Variants in ADGRG4 observed in about 807,000 individuals in gnomAD.
ADGRG4 encodes the protein adhesion G protein-coupled receptor G4.
In ADGRG4, 122 loss-of-function variants were observed where a neutral mutation model predicts 126.2. The observed-to-expected ratio is 0.97, with a 90% CI of 0.83 to 1.12. The LOEUF is 1.12. Ranked by LOEUF, ADGRG4 falls within the 50% of genes most tolerant of loss-of-function variation. The pLI is 0.00. For synonymous variants in ADGRG4, 943 were observed against 838.7 expected (o/e 1.12, Z -2.15); for missense variants, 2,481 against 2,251.8 (o/e 1.10, Z -2.06).
chrX:136,374,506 C>T lies in ADGRG4; in HGVS notation c.7776+1442C>T, dbSNP rs1008902933. Reference sequence around the variant, plus strand: ...GTGCAGTGGCACTATATCTCCCCACCGCAACCTCTGCCTCCCAGATTCAAG... The same window carrying T: ...GTGCAGTGGCACTATATCTCCCCACTGCAACCTCTGCCTCCCAGATTCAAG... On this transcript the variant is annotated intron_variant, in intron 15 of 25. Coordinates refer to ENST00000394143, the MANE Select transcript of ADGRG4 (RefSeq NM_153834.4). 9.9e-5 allele frequency among the ~76,000 whole-genome samples: 11 copies of T among 110,962 alleles called. No homozygotes were observed. The East Asian group carries it at 1.7e-3, about 17-fold the overall frequency.
At chrX:136,376,162 T>C (rs2075224191) in intron 15 of ADGRG4, among the ~76,000 whole-genome samples, 1 of 112,132 alleles carries the variant, frequency 8.9e-6, no homozygotes, top group Admixed American at 9.5e-5. Flanking sequence ...AGGGTGTCCC[T>C]TCTCCACTTT....
intron 13 of ADGRG4, among the ~76,000 whole-genome samples, chrX:136,367,304 G>A (rs982244830): frequency 1.2e-4 from 14 of 112,109 alleles, no homozygotes; most frequent in African/African-American, 4.5e-4. Context: ...AGAAGAATTA[G>A]GAAAGCAAGC....
At chrX:136,309,788 A>G (rs1346603813) in intron 4 of ADGRG4, among the ~76,000 whole-genome samples, 1 of 111,709 alleles carries the variant, frequency 9.0e-6, no homozygotes, top group Non-Finnish European at 1.9e-5. Flanking sequence ...AAGTTGATTT[A>G]TTTTTCCTCT....
chrX:136,345,245 T>C lies in ADGRG4; in HGVS notation c.1539T>C (p.Leu513=), dbSNP rs201853463. ...TVHSLTLPTR[L]IETTPAPRTA... ...ATTCATTGACTCTCCCAACTAGGCT[T>C]ATTGAGACCACACCTGCCCCAAGGA... Residue 513 remains leucine (L), a synonymous_variant, in exon 6 of 26, where the codon CTT becomes CTC. Transcript: ENST00000394143. 4.4e-4 allele frequency: 528 copies of C among 1,209,672 alleles called. No homozygotes were observed. Among genetic ancestry groups the C allele is most frequent in the Non-Finnish European group, 5.5e-4 (496 of 894,875 alleles).
intron 17 of ADGRG4, among the ~76,000 whole-genome samples, chrX:136,392,601 T>C (rs910432304): frequency 2.7e-5 from 3 of 112,058 alleles, no homozygotes; most frequent in Non-Finnish European, 5.6e-5. Context: ...ATCTTTTGGA[T>C]GTCCCATCAC....
intron 13 of ADGRG4, among the ~76,000 whole-genome samples, chrX:136,364,754 G>A (rs764557789): frequency 8.9e-5 from 10 of 111,869 alleles, no homozygotes; most frequent in Non-Finnish European, 1.9e-4. Context: ...GACCACATTA[G>A]CTTTTATTTT....
chrX:136,414,091 A>T, intron 24 of ADGRG4, 69 bp from the exon 25 acceptor site: 1 of 901,687 alleles, frequency 1.1e-6, no homozygotes, highest in Admixed American at 3.0e-5. Flanking sequence ...TATATACCAT[A>T]CAATTCACTA....
At chrX:136,374,164 A>T (rs1603297951) in intron 15 of ADGRG4, among the ~76,000 whole-genome samples, 1 of 103,273 alleles carries the variant, frequency 9.7e-6, no homozygotes, top group African/African-American at 3.5e-5. Context: ...ATGTAGCATA[A>T]TTTTTTTTTT....
rs1381260814 is a variant in ADGRG4, at chrX:136,351,522, A to G, written c.6803A>G (p.Asn2268Ser). 8.9e-7 allele frequency: 1 copy of G among 1,123,947 alleles called. No homozygotes were observed. The highest frequency in any genetic ancestry group is 1.2e-6 in the Non-Finnish European group (1 of 834,503). The allele number at this position is 1,123,947 out of a possible 1,213,427, so 92.6% of individuals were successfully genotyped here. A position where few individuals can be genotyped will look rare whatever the true frequency, so the allele number is the denominator to read the frequency against. ...AGGATCCCTATTACCAGTGTTATAA[A>G]TGAATTTACGGAAAATTCGGTAAAA... ...EPRIPITSVI[N>S]EFTENSLNSI... is the part of the protein sequence containing the mutation. Residue 2268 changes from asparagine (N) to serine (S), a missense_variant, in exon 7 of 26, where the codon AAT becomes AGT. Coordinates refer to ENST00000394143, the MANE Select transcript of ADGRG4 (RefSeq NM_153834.4).
chrX:136,322,447 T>A (rs2074844787), intron 4 of ADGRG4, among the ~76,000 whole-genome samples: 2 of 111,710 alleles, frequency 1.8e-5, no homozygotes, highest in African/African-American at 6.5e-5. Flanking sequence ...GCCTTTTCCT[T>A]GGCCTCTTCC....
chrX:136,318,570 G>A (rs780485228), intron 4 of ADGRG4, among the ~76,000 whole-genome samples: 12 of 111,710 alleles, frequency 1.1e-4, no homozygotes, highest in African/African-American at 3.9e-4. Context: ...CAAATAAAAT[G>A]GTGCTTGGCA....
At chrX:136,369,590 G>T (rs1191771532) in intron 13 of ADGRG4, among the ~76,000 whole-genome samples, 1 of 112,317 alleles carries the variant, frequency 8.9e-6, no homozygotes, top group Non-Finnish European at 1.9e-5. Context: ...GAAGCCCAAA[G>T]AATCATGACT....
intron 23 of ADGRG4, 57 bp from the exon 24 acceptor site, chrX:136,412,208 A>G (rs757810832): frequency 1.3e-6 from 1 of 764,801 alleles, no homozygotes; most frequent in Admixed American, 2.2e-5. Flanking sequence ...GAGTCAGGGC[A>G]TTGGTGACAG....
rs776829787 is a variant in ADGRG4, at chrX:136,348,427, C to T, written c.4721C>T (p.Pro1574Leu). ...CCAGTTAATAACTCTGCTTTCACAC[C>T]TGCAACAGTCTCTTCTGACACTTCC... ...SIPVNNSAFT[P>L]ATVSSDTSTR... is the part of the protein sequence containing the mutation. Residue 1574 changes from proline to leucine, a missense_variant, in exon 6 of 26, where the codon CCT becomes CTT. By Grantham distance (98) the Pro-to-Leu change is moderately conservative. Coordinates refer to ENST00000394143, the MANE Select transcript of ADGRG4 (RefSeq NM_153834.4). 3 of 1,207,495 alleles carry T rather than the reference C, an allele frequency of 2.5e-6. No individual in the cohort carries two copies. Among genetic ancestry groups the T allele is most frequent in the East Asian group, 3.0e-5 (1 of 33,793 alleles).
intron 8 of ADGRG4, among the ~76,000 whole-genome samples, chrX:136,355,066 G>A (rs762427154): frequency 3.7e-4 from 41 of 112,045 alleles, no homozygotes; most frequent in Non-Finnish European, 5.3e-4. Context: ...TTAGAGTTCC[G>A]CCTTGGGGCA....
intron 18 of ADGRG4, among the ~76,000 whole-genome samples, chrX:136,393,927 C>T (rs1182647475): frequency 2.7e-5 from 3 of 111,765 alleles, no homozygotes; most frequent in Non-Finnish European, 3.8e-5. Flanking sequence ...AATTACACAA[C>T]TCGAGGGTAA....
At chrX:136,406,635 C>T (rs1304108437) in intron 23 of ADGRG4, among the ~76,000 whole-genome samples, 5 of 111,922 alleles carry the variant, frequency 4.5e-5, no homozygotes, top group Non-Finnish European at 5.6e-5. Flanking sequence ...AGCTAGGGGC[C>T]GGGTGTGATG....
chrX:136,348,726 AC>A lies in ADGRG4; in HGVS notation c.5022del (p.Thr1675LeufsTer55). On this transcript the variant is annotated frameshift_variant, in exon 6 of 26. Transcript: ENST00000394143. LOFTEE classifies it high-confidence loss of function. ...TGGGATAGTGACTCCATTTGTAGGC[AC>A]CACTGCCTTCTCTCCACTCAGTTCT... The part of the protein sequence containing the change: ...MAGIVTPFVG[T>X]TAFSPLSSKS... The A allele has an allele frequency of 8.3e-7, 1 of 1,210,021 alleles. No homozygotes were observed. Among genetic ancestry groups the A allele is most frequent in the Non-Finnish European group, 1.1e-6 (1 of 894,877 alleles).
At chrX:136,408,309 C>T (rs940640429) in intron 23 of ADGRG4, among the ~76,000 whole-genome samples, 2 of 111,300 alleles carry the variant, frequency 1.8e-5, no homozygotes, top group African/African-American at 6.5e-5. Context: ...ATGAATGATC[C>T]CATCATCTAG....
Sources: allele counts gnomAD v4.1 joint callset (sites outside exome capture counted in the v4.1 genomes callset), GRCh38; gene constraint gnomAD v4.1.1; transcripts MANE v1.5; gene names NCBI Gene and HGNC (gene_info 2026-07-23, HGNC 2026-07-21).